Variants in FBXO43 observed in about 807,000 individuals in gnomAD.
FBXO43 encodes the protein F-box protein 43.
Under a neutral mutation model 56.7 loss-of-function variants are expected in FBXO43, and 22 were observed. The ratio of observed to expected loss-of-function variants is 0.39; its 90% CI spans 0.28 to 0.55. FBXO43 has a LOEUF of 0.55. FBXO43 is among the 20% of genes least tolerant of loss of function. The probability of loss-of-function intolerance (pLI) is 0.66; values close to 1 mark genes in which losing one functional copy is unlikely to be tolerated. For missense variants in FBXO43, 733 were observed against 814.9 expected (o/e 0.90, Z 1.22); for synonymous variants, 306 against 294.5 (o/e 1.04, Z -0.40).
At chr8:100,142,544 C>A (rs1814693835) in intron 1 of FBXO43, among the ~76,000 whole-genome samples, 1 of 152,060 alleles carries the variant, frequency 6.6e-6, no homozygotes, top group Non-Finnish European at 1.5e-5. Context: ...TTTAATATTC[C>A]AGCTTATTTG....
At chr8:100,146,298 T>C (rs1170609454), upstream of FBXO43, among the ~76,000 whole-genome samples, 1 of 152,166 alleles carries the variant, frequency 6.6e-6, no homozygotes, top group Non-Finnish European at 1.5e-5. Flanking sequence ...ACAATGAATA[T>C]ATACAGATTT....
In FBXO43 at chr8:100,133,645, TAAAGA is replaced by T; in HGVS notation, c.*152_*156del. On this transcript the variant is annotated 3_prime_UTR_variant, in exon 5 of 5. Transcript: ENST00000428847. ...AAATAAAATTTTTTCAAAACAACTT[TAAAGA>T]AAACATACAATGACATCGATTATAA... The T allele has an allele frequency of 1.2e-6, 1 of 863,504 alleles. No individual in the cohort carries two copies. Among genetic ancestry groups the T allele is most frequent in the Non-Finnish European group, 1.6e-6 (1 of 616,430 alleles). 53.5% of individuals were successfully genotyped at this position (863,504 alleles called of 1,614,324 possible). A position where few individuals can be genotyped will look rare whatever the true frequency, so the allele number is the denominator to read the frequency against.
upstream of FBXO43, among the ~76,000 whole-genome samples, chr8:100,150,318 T>C (rs1250815069): frequency 2.0e-5 from 3 of 152,236 alleles, no homozygotes; most frequent in Non-Finnish European, 4.4e-5. Context: ...GTAACGGCTA[T>C]CCTAGTACTT....
chr8:100,150,119 T>C (rs761272256), upstream of FBXO43, among the ~76,000 whole-genome samples: 4 of 152,160 alleles, frequency 2.6e-5, no homozygotes, highest in Non-Finnish European at 5.9e-5. Context: ...AGTAAACGGA[T>C]TGGGCGAGGG....
At chr8:100,137,811 G>A (rs1814520782) in intron 2 of FBXO43, 144 bp from the exon 3 acceptor site, 2 of 614,994 alleles carry the variant, frequency 3.3e-6, no homozygotes, top group South Asian at 3.9e-5. Flanking sequence ...AATGTGACTT[G>A]GTCAACATTG....
chr8:100,137,352 G>A (rs781623643), intron 3 of FBXO43: 45 of 407,866 alleles, frequency 1.1e-4, no homozygotes, highest in Admixed American at 9.1e-5. Context: ...GAGCCACCGC[G>A]CCTGGCCAAC....
upstream of FBXO43, among the ~76,000 whole-genome samples, chr8:100,147,094 TG>T: frequency 6.6e-6 from 1 of 152,358 alleles, no homozygotes. Context: ...GTGATCCACC[TG>T]CCTCAGCCTC....
rs764168039 is a variant in FBXO43 at position 100,134,005 on chromosome 8, T to C, written c.1924A>G (p.Arg642Gly). The C allele has an allele frequency of 1.9e-6, 3 of 1,614,172 alleles. No individual in the cohort carries two copies. Among genetic ancestry groups the C allele is most frequent in the Non-Finnish European group, 2.5e-6 (3 of 1,180,032 alleles). ...TGGTACTTAGCAGGGGACTGGCACC[T>C]TGGGCAAGGTTTTAATGCTTCATCA... ...FTDEALKPCP[R>G]CQSPAKYQPY... is the part of the protein sequence containing the mutation. Residue 642 changes from arginine to glycine, a missense_variant, in exon 5 of 5, where the codon AGG becomes GGG. Coordinates refer to ENST00000428847, the MANE Select transcript of FBXO43 (RefSeq NM_001029860.4).
In FBXO43 at chr8:100,141,695, C is replaced by G; in HGVS notation, c.559G>C (p.Glu187Gln). ...GAAGCACTGCTTGGAATATTTTTTTCTAAGTTGATAACTTGGCTTATACTA... is the reference window on the plus strand; with the variant it reads ...GAAGCACTGCTTGGAATATTTTTTTGTAAGTTGATAACTTGGCTTATACTA... Reference protein sequence around the residue: ...ESSISQVINLEKNIPSSASGF... With the variant: ...ESSISQVINLQKNIPSSASGF... The change falls in exon 2 of 5, where the codon GAA becomes CAA. Residue 187 changes from glutamate (E) to glutamine (Q), a missense_variant. Coordinates refer to ENST00000428847, the MANE Select transcript of FBXO43 (RefSeq NM_001029860.4). 1 of 1,611,288 alleles carries G rather than the reference C, an allele frequency of 6.2e-7. No individual in the cohort carries two copies. Among genetic ancestry groups the G allele is most frequent in the Non-Finnish European group, 8.5e-7 (1 of 1,178,000 alleles).
At chr8:100,137,728 A>G (rs1290115017) in intron 2 of FBXO43, 61 bp from the exon 3 acceptor site, 3 of 1,218,664 alleles carry the variant, frequency 2.5e-6, no homozygotes, top group Non-Finnish European at 3.5e-6. Context: ...ATTTTGTTGT[A>G]TACGCTAACT....
intron 3 of FBXO43, among the ~76,000 whole-genome samples, chr8:100,135,470 T>C (rs1281553470): frequency 6.6e-6 from 1 of 152,206 alleles, no homozygotes; most frequent in Admixed American, 6.5e-5. Context: ...CCAGTTTGAC[T>C]TTTTAAACCA....
Position 100,133,745 on chromosome 8 carries a change from A to G in FBXO43, c.*57T>C. Reference sequence around the variant, plus strand: ...AGATTTGCATGTATTCAAAATATTCATAATTTTAAGTCAGATAAATAGAAC... The same window carrying G: ...AGATTTGCATGTATTCAAAATATTCGTAATTTTAAGTCAGATAAATAGAAC... On this transcript the variant is annotated 3_prime_UTR_variant, in exon 5 of 5. Transcript: ENST00000428847. 4 of 1,518,344 alleles carry G rather than the reference A, an allele frequency of 2.6e-6. No homozygotes were observed. The highest frequency in any genetic ancestry group is 3.5e-6 in the Non-Finnish European group (4 of 1,131,426). The allele number at this position is 1,518,344 out of a possible 1,614,324, so 94.1% of individuals were successfully genotyped here. A position where few individuals can be genotyped will look rare whatever the true frequency, so the allele number is the denominator to read the frequency against.
chr8:100,135,014 G>A lies in FBXO43; in HGVS notation c.1675-650C>T, dbSNP rs559526646. On this transcript the variant is annotated intron_variant, in intron 3 of 4. Transcript: ENST00000428847. ...GAGATGAATCAGGGATCTGTATAGA[G>A]AAACACTAAGCAAAAATAAATAAAT... Among the ~76,000 whole-genome samples, 55 of 152,110 alleles carry A rather than the reference G, an allele frequency of 3.6e-4. No individual in the cohort carries two copies. In the Middle Eastern group the frequency reaches 0.01, roughly 28 times the overall value.
chr8:100,146,090 T>G (rs1438370149), upstream of FBXO43, among the ~76,000 whole-genome samples: 1 of 152,254 alleles, frequency 6.6e-6, no homozygotes, highest in Non-Finnish European at 1.5e-5. Context: ...AAATCATGTA[T>G]GAGAATGTTC....
At position 100,140,673 on chromosome 8, in the gene FBXO43, T is replaced by G; in HGVS notation, c.1571+10A>C. The G allele has an allele frequency of 6.5e-7, 1 of 1,546,138 alleles. No homozygotes were observed. The highest frequency in any genetic ancestry group is 8.7e-7 in the Non-Finnish European group (1 of 1,152,364). ...GAAGTTTTATTTCATAAACAACTCT[T>G]ACTTCTTACCTGCATAGGCTCTCTG... is the stretch of plus-strand genomic sequence containing the variant. On this transcript the variant is annotated intron_variant, in intron 2 of 4. Transcript: ENST00000428847.
intron 3 of FBXO43, among the ~76,000 whole-genome samples, chr8:100,135,478 C>A (rs781111299): frequency 1.3e-5 from 2 of 151,702 alleles, no homozygotes; most frequent in African/African-American, 2.4e-5. Context: ...ACTTTTTAAA[C>A]CATGTATTAC....
At chr8:100,134,485 G>T (rs899789396) in intron 3 of FBXO43, 121 bp from the exon 4 acceptor site, 2 of 634,206 alleles carry the variant, frequency 3.2e-6, no homozygotes, top group Non-Finnish European at 4.9e-6. Context: ...TCTCTCCCTA[G>T]GCTGTTCCTT....
intron 2 of FBXO43, among the ~76,000 whole-genome samples, 182 bp downstream of exon 2, chr8:100,140,501 C>G (rs1814604430): frequency 6.6e-6 from 1 of 151,384 alleles, no homozygotes; most frequent in East Asian, 1.9e-4. Context: ...CAAAACAAAA[C>G]AAAAAAACGG....
intron 3 of FBXO43, among the ~76,000 whole-genome samples, chr8:100,136,518 A>C (rs944202766): frequency 3.9e-5 from 6 of 152,342 alleles, no homozygotes; most frequent in African/African-American, 1.4e-4. Context: ...CATGCCTGAG[A>C]GGAATCCATC....
Sources: gnomAD v4.1 joint callset for allele counts (sites outside exome capture counted in the v4.1 genomes callset) on GRCh38, gnomAD v4.1.1 for gene constraint, MANE v1.5 for transcripts, NCBI Gene and HGNC (gene_info 2026-07-23, HGNC 2026-07-21) for gene names.